PCNT: variants seen among roughly 807,000 people sequenced by gnomAD.
PCNT encodes kendrin.
PCNT carries 319 observed loss-of-function variants against 380.4 expected under a neutral mutation model. That is an observed-to-expected ratio of 0.84 (90% CI 0.77 to 0.92). The LOEUF (loss-of-function observed/expected upper bound fraction) is 0.92. PCNT is among the 40% of genes least tolerant of loss of function. PCNT has a pLI of 0.00. For synonymous variants in PCNT, 1,845 were observed against 1,735.2 expected, an observed-to-expected ratio of 1.06 and a Z score of -1.57; for missense variants, 4,400 against 4,255.3, an observed-to-expected ratio of 1.03 and a Z score of -0.95.
chr21:46,327,260 T>C (rs1333747853), intron 2 of PCNT, among the ~76,000 whole-genome samples: 2 of 151,974 alleles, frequency 1.3e-5, no homozygotes, highest in African/African-American at 2.4e-5. Flanking sequence ...GGGGTTTCAC[T>C]GTGTTAGCCA....
intron 21 of PCNT, chr21:46,394,365 G>A (rs76767088): frequency 0.036 from 6,144 of 171,678 alleles, 148 homozygotes; most frequent in Middle Eastern, 0.08. Flanking sequence ...CATGGTGGGC[G>A]CTGAGTCTGG....
chr21:46,435,766 T>A (rs2053421556), intron 38 of PCNT, 138 bp from the exon 39 acceptor site: 1 of 878,986 alleles, frequency 1.1e-6, no homozygotes, highest in African/African-American at 1.7e-5. Flanking sequence ...ATGGTCTCAA[T>A]CTCCTGACCT....
At position 46,363,862 on chromosome 21, in the gene PCNT, C is replaced by T. The variant is rs2084803853; in HGVS notation, c.2537C>T (p.Ala846Val). ...CAGTGTGGGCGGGAGCCGCCCACAG[C>T]CCAGGACGGGGAGCTTGCTGCGCTC... is the stretch of plus-strand genomic sequence containing the variant. ...CSQCGREPPTAQDGELAALHV... is the reference protein window; with the variant it reads ...CSQCGREPPTVQDGELAALHV... Residue 846 changes from alanine (A) to valine (V), a missense_variant, in exon 14 of 47, where the codon GCC (alanine) becomes GTC (valine). Coordinates refer to ENST00000359568, the MANE Select transcript of PCNT (RefSeq NM_006031.6). 2 of 1,612,194 alleles carry T rather than the reference C, an allele frequency of 1.2e-6. No individual in the cohort carries two copies. The highest frequency in any genetic ancestry group is 3.3e-5 in the Admixed American group (2 of 59,958).
At chr21:46,359,948 C>A (rs2084644995) in intron 13 of PCNT, among the ~76,000 whole-genome samples, 1 of 151,116 alleles carries the variant, frequency 6.6e-6, no homozygotes. Flanking sequence ...CCTCTTCCTC[C>A]CAGGCTCAAG....
chr21:46,440,808 C>T (rs906001442), intron 42 of PCNT, 47 bp from the exon 43 acceptor site: 1 of 1,134,204 alleles, frequency 8.8e-7, no homozygotes, highest in Non-Finnish European at 1.3e-6. Flanking sequence ...GTCAGCAAGA[C>T]AGTCTTTGTT....
intron 9 of PCNT, among the ~76,000 whole-genome samples, chr21:46,352,264 TGCCA>T (rs1185986282): frequency 1.3e-5 from 2 of 152,236 alleles, no homozygotes; most frequent in Non-Finnish European, 2.9e-5. Flanking sequence ...CTGGAGACAC[TGCCA>T]CTGTCACCAG....
At position 46,431,813 on chromosome 21, in the gene PCNT, C is replaced by T. The variant is rs145748861; in HGVS notation, c.8349C>T (p.Asp2783=). 10 of 1,613,694 alleles carry T rather than the reference C, an allele frequency of 6.2e-6. No homozygotes were observed. In the Admixed American group the frequency reaches 1.0e-4, roughly 16 times the overall value. The change falls in exon 38 of 47, where the codon GAC becomes GAT. Residue 2783 remains aspartate, a synonymous_variant. Transcript: ENST00000359568. ...QRTQEACVHQ[D]TQAHHALLQK... ...CACAGGAGGCTTGCGTGCACCAGGA[C>T]ACACAGGCCCATCACGCTCTGCTGC... is the stretch of plus-strand genomic sequence containing the variant.
intron 46 of PCNT, 127 bp from the exon 47 acceptor site, chr21:46,445,157 G>C: frequency 1.3e-6 from 1 of 767,496 alleles, no homozygotes. Context: ...TTAAACCACT[G>C]TATAATTCAT....
intron 36 of PCNT, 99 bp downstream of exon 36, chr21:46,430,331 G>T: frequency 2.1e-6 from 3 of 1,402,376 alleles, no homozygotes; most frequent in Admixed American, 2.0e-5. Flanking sequence ...GTGGGCCGCA[G>T]TTGGGCAGCC....
At chr21:46,328,885 T>C (rs1459253530) in intron 2 of PCNT, among the ~76,000 whole-genome samples, 1 of 152,190 alleles carries the variant, frequency 6.6e-6, no homozygotes, top group Admixed American at 6.5e-5. Flanking sequence ...GCGTTTCTCC[T>C]GCATCAGCCT....
chr21:46,346,987 G>C lies in PCNT; in HGVS notation c.965G>C (p.Gly322Ala). The change falls in exon 5 of 47, where the codon GGA becomes GCA. Residue 322 changes from glycine to alanine, a missense_variant. Gly to Ala is a moderately conservative substitution (Grantham distance 60). Coordinates refer to ENST00000359568, the MANE Select transcript of PCNT (RefSeq NM_006031.6). The part of the protein sequence containing the change: ...REKEEVVLRC[G>A]QEAAELKEKL... ...AAGGAGGAGGTGGTGCTCAGGTGTG[G>C]ACAGGAAGCAGGTACTGCATGGCTA... 6.3e-7 allele frequency: 1 copy of C among 1,595,756 alleles called. No homozygotes were observed. Among genetic ancestry groups the C allele is most frequent in the African/African-American group, 1.3e-5 (1 of 74,936 alleles).
Position 46,416,444 on chromosome 21 carries a change from G to C in PCNT, c.6526G>C (p.Asp2176His), listed in dbSNP as rs746930023. The change falls in exon 30 of 47, where the codon GAT becomes CAT. Residue 2176 changes from aspartate (D) to histidine (H), a missense_variant. Transcript: ENST00000359568. ...TTCCTTGATACCAGATGAAATGCCAGATTCTCCCATTCAAGAAAAATCAGA... is the reference window on the plus strand; with the variant it reads ...TTCCTTGATACCAGATGAAATGCCACATTCTCCCATTCAAGAAAAATCAGA... ...WDSLIPDEMP[D>H]SPIQEKSECQ... 6.2e-6 allele frequency: 10 copies of C among 1,614,088 alleles called. 1 individual carries two copies. The South Asian group carries it at 9.9e-5, about 16-fold the overall frequency.
At chr21:46,384,111 C>G (rs1237929398) in intron 16 of PCNT, among the ~76,000 whole-genome samples, 1 of 144,134 alleles carries the variant, frequency 6.9e-6, no homozygotes, top group African/African-American at 2.6e-5. Context: ...GGCGGAAGCG[C>G]ATTCACAGTG....
chr21:46,391,347 C>CA lies in PCNT; in HGVS notation c.4188dup (p.Ala1397SerfsTer30). Reference sequence around the variant, plus strand: ...CGTCTGTGGAGTCGGGGGGAGGCCACAGCCACGGACGCCGAGGCCAGAGAA... The same window carrying CA: ...CGTCTGTGGAGTCGGGGGGAGGCCACAAGCCACGGACGCCGAGGCCAGAGAA... On this transcript the variant is annotated frameshift_variant, in exon 21 of 47. Coordinates refer to ENST00000359568, the MANE Select transcript of PCNT (RefSeq NM_006031.6). LOFTEE classifies it high-confidence loss of function. 1 of 1,553,656 alleles carries CA rather than the reference C, an allele frequency of 6.4e-7. No individual in the cohort carries two copies. The highest frequency in any genetic ancestry group is 8.7e-7 in the Non-Finnish European group (1 of 1,148,540).
rs1251489120 is a variant in PCNT at position 46,416,352 on chromosome 21, A to G, written c.6434A>G (p.Gln2145Arg). ...TGGVTDVIKN[Q>R]AIDACDANTT... ...GGTGTAACTGATGTTATCAAAAATC[A>G]GGCCATAGACGCGTGTGATGCCAAT... The change falls in exon 30 of 47, where the codon CAG (glutamine) becomes CGG (arginine). Residue 2145 changes from glutamine (Q) to arginine (R), a missense_variant. Physicochemically the swap from Gln to Arg is conservative, Grantham distance 43 (BLOSUM62 1). Transcript: ENST00000359568. The G allele has an allele frequency of 1.9e-6, 3 of 1,614,090 alleles. No homozygotes were observed. In the Admixed American group the frequency reaches 5.0e-5, roughly 27 times the overall value.
intron 43 of PCNT, 70 bp from the exon 44 acceptor site, chr21:46,442,427 G>T: frequency 1.1e-6 from 1 of 941,464 alleles, no homozygotes; most frequent in Non-Finnish European, 1.7e-6. Flanking sequence ...GGTCACAGTG[G>T]GGTTTTCATT....
intron 9 of PCNT, among the ~76,000 whole-genome samples, 159 bp from the exon 10 acceptor site, chr21:46,352,945 G>A (rs1449236855): frequency 1.1e-4 from 17 of 152,226 alleles, no homozygotes; most frequent in Non-Finnish European, 2.9e-5. Flanking sequence ...AGGGGCGTAC[G>A]AGAGTCTAAG....
intron 21 of PCNT, chr21:46,394,597 C>A: frequency 5.9e-6 from 5 of 847,674 alleles, no homozygotes; most frequent in Non-Finnish European, 7.1e-6. Context: ...CTGGATTTTG[C>A]AAATTATTTA....
At chr21:46,442,610 A>G in intron 44 of PCNT, 37 bp downstream of exon 44, 1 of 1,273,792 alleles carries the variant, frequency 7.9e-7, no homozygotes, top group Non-Finnish European at 1.1e-6. Context: ...TGGACTCACA[A>G]ACCTTTCTTT....
Sources: gnomAD v4.1 joint callset for allele counts (sites outside exome capture counted in the v4.1 genomes callset) on GRCh38, gnomAD v4.1.1 for gene constraint, MANE v1.5 for transcripts, NCBI Gene and HGNC (gene_info 2026-07-23, HGNC 2026-07-21) for gene names.